RYR3: variants seen among roughly 807,000 people sequenced by gnomAD.
RYR3 encodes ryanodine receptor 3, also known as brain ryanodine receptor-calcium release channel.
Under a neutral mutation model 584.3 loss-of-function variants are expected in RYR3, and 207 were observed. The ratio of observed to expected loss-of-function variants is 0.35; its 90% confidence interval spans 0.32 to 0.40. The LOEUF (loss-of-function observed/expected upper bound fraction) is 0.40, where lower values mean the gene tolerates loss of function less well. Among genes scored for constraint, RYR3 ranks in the 10% least tolerant of loss-of-function variants. RYR3 has a pLI of 1.00. For missense variants in RYR3, 5,616 were observed against 6,089.2 expected, an observed-to-expected ratio of 0.92 and a Z score of 2.59; for synonymous variants, 2,416 against 2,248.5, an observed-to-expected ratio of 1.07 and a Z score of -2.11.
In RYR3 at chr15:33,722,473, T is replaced by C. The variant is rs978505968; in HGVS notation, c.6620-242T>C. Reference sequence around the variant, plus strand: ...CTTTTTCTCCATCAGTGTCAACTCCTAATCTCAAGAGTAGATGAGGCTGGT... The same window carrying C: ...CTTTTTCTCCATCAGTGTCAACTCCCAATCTCAAGAGTAGATGAGGCTGGT... On this transcript the variant is annotated intron_variant, in intron 43 of 103. Coordinates refer to ENST00000634891, the MANE Select transcript of RYR3 (RefSeq NM_001036.6). The C allele has an allele frequency of 1.1e-5, 6 of 528,690 alleles. No individual in the cohort carries two copies. The Admixed American group carries it at 2.3e-4, about 21-fold the overall frequency. The allele number at this position is 528,690 out of a possible 1,614,324, so 32.7% of individuals were successfully genotyped here.
At chr15:33,452,001 C>T (rs568457563) in intron 1 of RYR3, among the ~76,000 whole-genome samples, 2 of 152,202 alleles carry the variant, frequency 1.3e-5, no homozygotes, top group African/African-American at 4.8e-5. Flanking sequence ...CTGTCTAAGG[C>T]ACTGAAGTCT....
intron 65 of RYR3, among the ~76,000 whole-genome samples, chr15:33,783,981 C>T (rs183697231): frequency 1.8e-4 from 27 of 152,330 alleles, no homozygotes; most frequent in Non-Finnish European, 3.5e-4. Flanking sequence ...TATTGGTCCA[C>T]CCCTGACATC....
In RYR3 at chr15:33,853,536, C is replaced by G. The variant is rs1479557665; in HGVS notation, c.13672-19C>G. On this transcript the variant is annotated intron_variant, in intron 95 of 103. Coordinates refer to ENST00000634891, the MANE Select transcript of RYR3 (RefSeq NM_001036.6). ...TGGTGGCGTGTGGCCTGAGCTCACCCTGTCATCCTTTGCTTCAGGTGATCA... is the reference window on the plus strand; with the variant it reads ...TGGTGGCGTGTGGCCTGAGCTCACCGTGTCATCCTTTGCTTCAGGTGATCA... 1.9e-6 allele frequency: 3 copies of G among 1,612,100 alleles called. No individual in the cohort carries two copies. Among genetic ancestry groups the G allele is most frequent in the Admixed American group, 1.7e-5 (1 of 59,920 alleles).
chr15:33,602,801 G>A (rs183300700), intron 17 of RYR3, among the ~76,000 whole-genome samples: 170 of 133,856 alleles, frequency 1.3e-3, no homozygotes, highest in African/African-American at 4.4e-3. Context: ...GCTGGAGTGC[G>A]GTGGCATAAT....
At chr15:33,584,543 T>C in intron 15 of RYR3, 53 bp downstream of exon 15, 1 of 806,112 alleles carries the variant, frequency 1.2e-6, no homozygotes, top group East Asian at 2.7e-5. Context: ...TTTTTTTTTC[T>C]TTCTGTAAAA....
chr15:33,363,284 C>T (rs1002960201), intron 1 of RYR3, among the ~76,000 whole-genome samples: 2 of 152,206 alleles, frequency 1.3e-5, no homozygotes. Flanking sequence ...CTCCCTCCCT[C>T]ACTCCAACTA....
Position 33,838,087 on chromosome 15 carries a change from G to A in RYR3, c.12107G>A (p.Gly4036Asp), listed in dbSNP as rs1411803633. ...EPYLGRIEIM[G>D]GAKKIERVYF... ...TACCTAGGACGCATCGAGATCATGG[G>A]TGGGGCCAAGAAGATTGAGCGTGTT... Residue 4036 changes from glycine (G) to aspartate (D), a missense_variant, in exon 89 of 104, where the codon GGT (glycine) becomes GAT (aspartate). Coordinates refer to ENST00000634891, the MANE Select transcript of RYR3 (RefSeq NM_001036.6). The A allele has an allele frequency of 6.2e-7, 1 of 1,614,022 alleles. No homozygotes were observed. The highest frequency in any genetic ancestry group is 8.5e-7 in the Non-Finnish European group (1 of 1,179,900).
chr15:33,394,134 T>C (rs1358421914), intron 1 of RYR3, among the ~76,000 whole-genome samples: 1 of 152,212 alleles, frequency 6.6e-6, no homozygotes, highest in Non-Finnish European at 1.5e-5. Flanking sequence ...GTTCAAGTGT[T>C]ACTGTCCTCA....
chr15:33,489,265 C>G lies in RYR3; in HGVS notation c.172-14366C>G, dbSNP rs561155325. ...CTTGAAGGTTTGTTACATAGGTAAA[C>G]TTGTGTCACAAGGGTTTGTTGTACA... is the stretch of plus-strand genomic sequence containing the variant. On this transcript the variant is annotated intron_variant, in intron 2 of 103. Coordinates refer to ENST00000634891, the MANE Select transcript of RYR3 (RefSeq NM_001036.6). 2.6e-5 allele frequency among the ~76,000 whole-genome samples: 4 copies of G among 152,248 alleles called. No individual in the cohort carries two copies. In the South Asian group the frequency reaches 8.3e-4, roughly 32 times the overall value.
At position 33,475,600 on chromosome 15, in the gene RYR3, G is replaced by T. The variant is rs115024258; in HGVS notation, c.171+2062G>T. ...CCTGGTTCCCAACAGGCCATGAACT[G>T]GGTCCATGGCCCCAGGGGTTGGGGA... On this transcript the variant is annotated intron_variant, in intron 2 of 103. Transcript: ENST00000634891. 5.1e-3 allele frequency among the ~76,000 whole-genome samples: 781 copies of T among 152,280 alleles called. 8 individuals are homozygous for T. Among genetic ancestry groups the T allele is most frequent in the African/African-American group, 0.018 (745 of 41,550 alleles).
At chr15:33,495,259 G>A (rs918861215) in intron 2 of RYR3, among the ~76,000 whole-genome samples, 6 of 152,178 alleles carry the variant, frequency 3.9e-5, no homozygotes, top group African/African-American at 1.4e-4. Context: ...TTGGGAGGTA[G>A]GTAGCCTAGT....
chr15:33,662,112 C>G, intron 34 of RYR3, 41 bp from the exon 35 acceptor site: 1 of 1,493,026 alleles, frequency 6.7e-7, no homozygotes, highest in East Asian at 2.4e-5. Context: ...CTGGTGGGTT[C>G]TTCTCCCCCT....
At chr15:33,757,800 C>T (rs770758923) in intron 60 of RYR3, 16 of 594,656 alleles carry the variant, frequency 2.7e-5, no homozygotes, top group South Asian at 4.3e-5. Context: ...TGGGAGTACC[C>T]GTGGGGCTTG....
At chr15:33,827,436 C>A (rs913665926) in intron 85 of RYR3, 149 bp downstream of exon 85, 3 of 658,944 alleles carry the variant, frequency 4.6e-6, no homozygotes, top group Non-Finnish European at 5.3e-6. Flanking sequence ...ATGGGAAGTC[C>A]AGTGCCCAAA....
At chr15:33,413,439 A>G (rs1266827093) in intron 1 of RYR3, among the ~76,000 whole-genome samples, 1 of 152,246 alleles carries the variant, frequency 6.6e-6, no homozygotes, top group Non-Finnish European at 1.5e-5. Flanking sequence ...GGGAGAGCAA[A>G]CAAGACAGTC....
At chr15:33,327,229 A>G (rs1470544358) in intron 1 of RYR3, among the ~76,000 whole-genome samples, 4 of 152,242 alleles carry the variant, frequency 2.6e-5, no homozygotes, top group Admixed American at 2.0e-4. Context: ...CTGGAGGGCT[A>G]TAGTCTTATT....
intron 3 of RYR3, among the ~76,000 whole-genome samples, chr15:33,506,756 A>G (rs1049509916): frequency 6.6e-6 from 1 of 152,234 alleles, no homozygotes; most frequent in African/African-American, 2.4e-5. Flanking sequence ...TTTCGTATGA[A>G]AAATGCAAGT....
chr15:33,485,457 A>AAG (rs2050330757), intron 2 of RYR3, among the ~76,000 whole-genome samples: 1 of 152,124 alleles, frequency 6.6e-6, no homozygotes. Context: ...CAGGAGAGGG[A>AAG]AGAGGTGGTC....
chr15:33,833,574 T>C (rs946300794), intron 86 of RYR3, among the ~76,000 whole-genome samples: 6 of 152,216 alleles, frequency 3.9e-5, no homozygotes, highest in African/African-American at 7.2e-5. Flanking sequence ...AAGGAGATCA[T>C]TGAATATATT....
Sources: gnomAD v4.1 joint callset for allele counts (sites outside exome capture counted in the v4.1 genomes callset) on GRCh38, gnomAD v4.1.1 for gene constraint, MANE v1.5 for transcripts, NCBI Gene and HGNC (gene_info 2026-07-23, HGNC 2026-07-21) for gene names.